Variants in MDGA2 observed in about 807,000 individuals in gnomAD.
MDGA2 encodes MAM domain containing glycosylphosphatidylinositol anchor 2, also known as MAM domain-containing glycosylphosphatidylinositol anchor protein 2.
In MDGA2, 40 loss-of-function variants were observed where a neutral mutation model predicts 117.8. The ratio of observed to expected loss-of-function variants is 0.34; its 90% CI spans 0.26 to 0.44. MDGA2 has a LOEUF of 0.44. MDGA2 is among the 20% of genes least tolerant of loss of function. The pLI, the probability that MDGA2 is intolerant of heterozygous loss-of-function variation, is 1.00. For synonymous variants in MDGA2, 452 were observed against 439.0 expected, an observed-to-expected ratio of 1.03 and a Z score of -0.37; for missense variants, 1,123 against 1,250.6, an observed-to-expected ratio of 0.90 and a Z score of 1.54.
chr14:47,582,140 T>TTG (rs1251328197), intron 1 of MDGA2, among the ~76,000 whole-genome samples: 7 of 151,942 alleles, frequency 4.6e-5, no homozygotes, highest in Non-Finnish European at 1.0e-4. Context: ...TATGGTGTTG[T>TTG]TGTTTTTTCA....
At chr14:47,353,023 A>C (rs2416053) in intron 1 of MDGA2, among the ~76,000 whole-genome samples, 5 of 152,156 alleles carry the variant, frequency 3.3e-5, no homozygotes, top group Admixed American at 6.5e-5. Context: ...CAGGGTGAGC[A>C]GCTTGTAAGG....
intron 1 of MDGA2, among the ~76,000 whole-genome samples, chr14:47,515,670 G>A (rs542118320): frequency 5.9e-5 from 9 of 152,096 alleles, no homozygotes; most frequent in East Asian, 5.8e-4. Context: ...AATAAGCCAC[G>A]GTGGGCAAGT....
At chr14:47,306,258 C>G (rs1889441299) in intron 1 of MDGA2, 1 of 151,938 alleles carries the variant, frequency 6.6e-6, no homozygotes, top group African/African-American at 2.4e-5. Flanking sequence ...AGTTTATACC[C>G]TGACTAGGTG....
chr14:47,153,519 C>G (rs1306548247), intron 3 of MDGA2, among the ~76,000 whole-genome samples: 1 of 151,972 alleles, frequency 6.6e-6, no homozygotes, highest in Admixed American at 6.6e-5. Context: ...GTTGACGCAG[C>G]TCCTCCAGTT....
At chr14:46,879,414 G>A (rs184046260) in intron 11 of MDGA2, among the ~76,000 whole-genome samples, 1 of 152,156 alleles carries the variant, frequency 6.6e-6, no homozygotes, top group Admixed American at 6.6e-5. Context: ...CTAATACATT[G>A]CCTCTAAACC....
intron 10 of MDGA2, among the ~76,000 whole-genome samples, chr14:46,890,733 C>T (rs1351516164): frequency 1.3e-5 from 2 of 152,070 alleles, no homozygotes; most frequent in South Asian, 2.1e-4. Flanking sequence ...TGCAAGTATA[C>T]TTCAAGGATC....
intron 8 of MDGA2, among the ~76,000 whole-genome samples, chr14:47,020,129 A>T (rs1362086995): frequency 8.5e-6 from 1 of 117,848 alleles, no homozygotes; most frequent in African/African-American, 2.9e-5. Flanking sequence ...AACAAAGAGA[A>T]TGTAAATGCG....
chr14:47,183,488 T>C (rs923869955), intron 3 of MDGA2, among the ~76,000 whole-genome samples: 2 of 152,170 alleles, frequency 1.3e-5, no homozygotes, highest in African/African-American at 2.4e-5. Context: ...AGATGGTTCA[T>C]GATCTGCCAT....
intron 1 of MDGA2, among the ~76,000 whole-genome samples, chr14:47,410,547 C>T (rs1892351046): frequency 6.6e-6 from 1 of 151,984 alleles, no homozygotes; most frequent in African/African-American, 2.4e-5. Context: ...GACATAGCAA[C>T]TATAATCACT....
Position 47,051,971 on chromosome 14 carries a change from GC to G in MDGA2, c.1525+9277del, listed in dbSNP as rs1414661556. Among the ~76,000 whole-genome samples, 6 of 151,834 alleles carry G rather than the reference GC, an allele frequency of 4.0e-5. No individual in the cohort carries two copies. The South Asian group carries it at 1.2e-3, about 32-fold the overall frequency. On this transcript the variant is annotated intron_variant, in intron 7 of 16. Transcript: ENST00000399232. ...CTTCAGGATTGGTCTTGGTATTATA[GC>G]CTTAAAATAATATGCTGTAATGTAC...
chr14:47,058,361 T>G (rs914343831), intron 7 of MDGA2, among the ~76,000 whole-genome samples: 3 of 152,194 alleles, frequency 2.0e-5, no homozygotes, highest in South Asian at 4.1e-4. Context: ...CAATGCTCAA[T>G]TTCTTATAAT....
At chr14:47,452,170 C>T (rs1391322485) in intron 1 of MDGA2, among the ~76,000 whole-genome samples, 1 of 152,024 alleles carries the variant, frequency 6.6e-6, no homozygotes, top group African/African-American at 2.4e-5. Flanking sequence ...TCAAAAGTTT[C>T]TCAGTGCCCT....
intron 1 of MDGA2, among the ~76,000 whole-genome samples, chr14:47,372,902 G>C (rs1040926063): frequency 6.6e-6 from 1 of 151,856 alleles, no homozygotes; most frequent in African/African-American, 2.4e-5. Context: ...GGAAGAATGA[G>C]TCAGAGCTAT....
Position 47,370,468 on chromosome 14 carries a change from G to GTTTTTTTTTTTTTTTTTTT in MDGA2, c.281-68937_281-68919dup, listed in dbSNP as rs67255552. Among the ~76,000 whole-genome samples the GTTTTTTTTTTTTTTTTTTT allele has an allele frequency of 2.4e-4, 5 of 20,682 alleles. 1 individual carries two copies. The highest frequency in any genetic ancestry group is 2.1e-3 in the South Asian group (1 of 470). 13.6% of individuals were successfully genotyped at this position (20,682 alleles called of 152,430 possible). A position where few individuals can be genotyped will look rare whatever the true frequency, so the allele number is the denominator to read the frequency against. On this transcript the variant is annotated intron_variant, in intron 1 of 16. Coordinates refer to ENST00000399232, the MANE Select transcript of MDGA2 (RefSeq NM_001113498.3). ...TTACTATTTTCTAGGTCTACTTACT[G>GTTTTTTTTTTTTTTTTTTT]TTTTTTTTTTTTTTTTTTTTTTTTT...
chr14:47,486,509 G>C (rs1394609982), intron 1 of MDGA2, among the ~76,000 whole-genome samples: 1 of 152,132 alleles, frequency 6.6e-6, no homozygotes, highest in East Asian at 1.9e-4. Context: ...GGACTGTGGG[G>C]AAGGCATGAT....
chr14:47,606,806 C>T (rs1310266398), intron 1 of MDGA2, among the ~76,000 whole-genome samples: 1 of 152,148 alleles, frequency 6.6e-6, no homozygotes, highest in Non-Finnish European at 1.5e-5. Context: ...AAATGCCTCG[C>T]TCCATGAAGC....
At chr14:46,892,133 G>T (rs922810742) in intron 10 of MDGA2, among the ~76,000 whole-genome samples, 3 of 151,568 alleles carry the variant, frequency 2.0e-5, no homozygotes, top group Non-Finnish European at 1.5e-5. Flanking sequence ...CAAAGCAATA[G>T]TAATCAAAAC....
At chr14:47,486,729 A>T (rs757556756) in intron 1 of MDGA2, among the ~76,000 whole-genome samples, 1 of 152,224 alleles carries the variant, frequency 6.6e-6, no homozygotes, top group South Asian at 2.1e-4. Flanking sequence ...TAATGGTTTT[A>T]AAAATGGGAA....
chr14:47,498,336 G>T (rs1894325533), intron 1 of MDGA2, among the ~76,000 whole-genome samples: 1 of 152,068 alleles, frequency 6.6e-6, no homozygotes, highest in Non-Finnish European at 1.5e-5. Flanking sequence ...CTAATTATAT[G>T]CATTGCAACT....
Sources: allele counts gnomAD v4.1 joint callset (sites outside exome capture counted in the v4.1 genomes callset), GRCh38; gene constraint gnomAD v4.1.1; transcripts MANE v1.5; gene names NCBI Gene and HGNC (gene_info 2026-07-23, HGNC 2026-07-21).